CCDC38: variants seen among roughly 807,000 people sequenced by gnomAD.
CCDC38 encodes the protein coiled-coil domain-containing protein 38.
A neutral mutation model predicts 72.8 loss-of-function variants in CCDC38; 69 were observed. That is an observed-to-expected ratio of 0.95 (90% CI 0.78 to 1.16). CCDC38 has a LOEUF of 1.16. Among genes scored for constraint, CCDC38 ranks in the 50% most tolerant of loss-of-function variants. The probability of loss-of-function intolerance (pLI) is 0.00; values close to 1 mark genes in which losing one functional copy is unlikely to be tolerated. For missense variants in CCDC38, 626 were observed against 638.9 expected (o/e 0.98, Z 0.22); for synonymous variants, 201 against 213.2 (o/e 0.94, Z 0.50).
At chr12:95,883,003 A>C (rs992356160) in intron 10 of CCDC38, among the ~76,000 whole-genome samples, 3 of 152,180 alleles carry the variant, frequency 2.0e-5, no homozygotes, top group Non-Finnish European at 2.9e-5. Context: ...CATGCTAGAA[A>C]TCTGGGCGTT....
At chr12:95,919,733 C>G (rs1229135843) in intron 2 of CCDC38, 3 of 407,540 alleles carry the variant, frequency 7.4e-6, no homozygotes, top group African/African-American at 2.0e-5. Context: ...ACCACCATTA[C>G]CCTTACACCA....
chr12:95,940,477 G>A (rs117599264), intron 1 of CCDC38, among the ~76,000 whole-genome samples: 1 of 152,072 alleles, frequency 6.6e-6, no homozygotes, highest in Admixed American at 6.6e-5. Flanking sequence ...CAATGAAAAC[G>A]AATTTCCAGA....
chr12:95,880,455 A>G (rs1281841711), intron 11 of CCDC38, among the ~76,000 whole-genome samples: 1 of 152,134 alleles, frequency 6.6e-6, no homozygotes, highest in Non-Finnish European at 1.5e-5. Flanking sequence ...GGAGTTCAAG[A>G]CCAGCCTGAG....
rs541384315 is a variant in CCDC38 at position 95,899,912 on chromosome 12, G to A, written c.370-1181C>T. Among the ~76,000 whole-genome samples, 4 of 152,226 alleles carry A rather than the reference G, an allele frequency of 2.6e-5. No homozygotes were observed. The East Asian group carries it at 7.7e-4, about 29-fold the overall frequency. ...GCTGATGAAAGCGGGATGGGGTGCTGTGGACAAGGGCAGGGGGTTGCTATC... is the reference window on the plus strand; with the variant it reads ...GCTGATGAAAGCGGGATGGGGTGCTATGGACAAGGGCAGGGGGTTGCTATC... On this transcript the variant is annotated intron_variant, in intron 5 of 15. Coordinates refer to ENST00000344280, the MANE Select transcript of CCDC38 (RefSeq NM_182496.3).
intron 5 of CCDC38, among the ~76,000 whole-genome samples, chr12:95,900,689 T>C (rs963211133): frequency 6.6e-6 from 1 of 152,186 alleles, no homozygotes; most frequent in Non-Finnish European, 1.5e-5. Context: ...CTGGCAAAAA[T>C]ACATATGTTG....
chr12:95,921,888 C>T (rs915375572), intron 2 of CCDC38, among the ~76,000 whole-genome samples: 2 of 152,134 alleles, frequency 1.3e-5, no homozygotes, highest in Non-Finnish European at 2.9e-5. Flanking sequence ...ATGATTCTTG[C>T]CCCAAATCAC....
chr12:95,909,242 C>G (rs1592786203), intron 4 of CCDC38, among the ~76,000 whole-genome samples: 2 of 152,154 alleles, frequency 1.3e-5, no homozygotes. Context: ...CACAGAAATA[C>G]AAAAGATCCA....
intron 5 of CCDC38, 22 bp from the exon 6 acceptor site, chr12:95,898,753 G>C: frequency 6.2e-7 from 1 of 1,603,358 alleles, no homozygotes; most frequent in Non-Finnish European, 8.5e-7. Context: ...GAAGACAGAG[G>C]TGTAAAAACA....
intron 4 of CCDC38, among the ~76,000 whole-genome samples, chr12:95,912,333 TAAC>T (rs2080102785): frequency 1.3e-5 from 2 of 152,102 alleles, no homozygotes; most frequent in Non-Finnish European, 2.9e-5. Context: ...CATACCCTCA[TAAC>T]AAACCTGCAC....
intron 10 of CCDC38, among the ~76,000 whole-genome samples, chr12:95,888,254 C>G (rs569175825): frequency 6.6e-6 from 1 of 152,302 alleles, no homozygotes; most frequent in Admixed American, 6.5e-5. Flanking sequence ...CAGATAGCTT[C>G]TGCAAATAAT....
chr12:95,902,361 C>T (rs1275550877), intron 5 of CCDC38, among the ~76,000 whole-genome samples: 3 of 152,132 alleles, frequency 2.0e-5, no homozygotes, highest in African/African-American at 7.2e-5. Flanking sequence ...CCTTTGTAAT[C>T]CATCCCTTCT....
intron 9 of CCDC38, among the ~76,000 whole-genome samples, chr12:95,889,635 A>G (rs1294490924): frequency 6.6e-6 from 1 of 152,162 alleles, no homozygotes; most frequent in Non-Finnish European, 1.5e-5. Context: ...CTTTATCCCA[A>G]TACTAAATAC....
chr12:95,894,783 C>T (rs1592771070), intron 8 of CCDC38, among the ~76,000 whole-genome samples: 2 of 152,268 alleles, frequency 1.3e-5, no homozygotes, highest in East Asian at 1.9e-4. Context: ...CTTAAGTATT[C>T]CTCTACAGCA....
At chr12:95,926,626 G>A (rs568398528) in intron 2 of CCDC38, among the ~76,000 whole-genome samples, 1 of 151,820 alleles carries the variant, frequency 6.6e-6, no homozygotes, top group East Asian at 1.9e-4. Flanking sequence ...TCTTTTAATT[G>A]TGATGTTAGG....
At chr12:95,927,630 G>C (rs1370496314) in intron 2 of CCDC38, among the ~76,000 whole-genome samples, 2 of 152,158 alleles carry the variant, frequency 1.3e-5, no homozygotes, top group African/African-American at 4.8e-5. Flanking sequence ...TTTCTTCCTA[G>C]TCTTGATGGT....
At chr12:95,909,650 C>CA (rs1316390912) in intron 4 of CCDC38, among the ~76,000 whole-genome samples, 2 of 149,894 alleles carry the variant, frequency 1.3e-5, no homozygotes, top group Admixed American at 6.6e-5. Flanking sequence ...TGAAAATCCT[C>CA]AAAAAAACAC....
At chr12:95,929,387 C>T (rs1191143376) in intron 2 of CCDC38, among the ~76,000 whole-genome samples, 2 of 152,198 alleles carry the variant, frequency 1.3e-5, no homozygotes, top group East Asian at 3.9e-4. Context: ...AATGCCTTGC[C>T]CTGCTTCGGC....
At chr12:95,912,305 A>G (rs528763200) in intron 4 of CCDC38, among the ~76,000 whole-genome samples, 3 of 152,200 alleles carry the variant, frequency 2.0e-5, no homozygotes, top group Non-Finnish European at 2.9e-5. Flanking sequence ...TAGAAGCCCA[A>G]AGCTCAGCAT....
intron 2 of CCDC38, among the ~76,000 whole-genome samples, chr12:95,929,571 G>A (rs777405427): frequency 8.4e-4 from 128 of 152,292 alleles, no homozygotes; most frequent in African/African-American, 2.3e-3. Flanking sequence ...TCCCCTGCAA[G>A]TGTCTTAAAA....
Sources: allele counts gnomAD v4.1 joint callset (sites outside exome capture counted in the v4.1 genomes callset), GRCh38; gene constraint gnomAD v4.1.1; transcripts MANE v1.5; gene names NCBI Gene and HGNC (gene_info 2026-07-23, HGNC 2026-07-21).